GLB1L2: variants seen among roughly 807,000 people sequenced by gnomAD.
GLB1L2 encodes galactosidase beta 1 like 2.
GLB1L2 carries 68 observed loss-of-function variants against 84.1 expected under a neutral mutation model. That is an observed-to-expected ratio of 0.81 (90% confidence interval 0.67 to 0.99). GLB1L2 has a LOEUF of 0.99. Among genes scored for constraint, GLB1L2 ranks in the 50% least tolerant of loss-of-function variants. The pLI is 0.00. For synonymous variants in GLB1L2, 290 were observed against 318.0 expected, an observed-to-expected ratio of 0.91 and a Z score of 0.94; for missense variants, 762 against 805.6, an observed-to-expected ratio of 0.95 and a Z score of 0.66.
chr11:134,338,163 G>A lies in GLB1L2; in HGVS notation c.87-4591G>A, dbSNP rs1943413972. ...ATGTTCTGCTGTGCCCGGTTGCATGGATCCTGGCCTATCTGTGTCTGGTCA... is the reference window on the plus strand; with the variant it reads ...ATGTTCTGCTGTGCCCGGTTGCATGAATCCTGGCCTATCTGTGTCTGGTCA... On this transcript the variant is annotated intron_variant, in intron 1 of 18. Coordinates refer to ENST00000535456, the MANE Select transcript of GLB1L2 (RefSeq NM_001370461.1). The surrounding 1 kb of genome is among the most constrained non-coding windows in gnomAD (Gnocchi z 6.2). Among the ~76,000 whole-genome samples, 1 of 152,154 alleles carries A rather than the reference G, an allele frequency of 6.6e-6. No homozygotes were observed. The highest frequency in any genetic ancestry group is 2.4e-5 in the African/African-American group (1 of 41,446).
chr11:134,345,760 C>T (rs941674120), intron 4 of GLB1L2, among the ~76,000 whole-genome samples: 9 of 152,202 alleles, frequency 5.9e-5, no homozygotes, highest in African/African-American at 1.7e-4. Flanking sequence ...TGAGCCACCG[C>T]GCCCGGCCTT....
intron 1 of GLB1L2, 71 bp downstream of exon 1, chr11:134,332,218 C>A: frequency 9.0e-7 from 1 of 1,112,384 alleles, no homozygotes; most frequent in Non-Finnish European, 1.3e-6. Context: ...GGGTTCTCTC[C>A]TCCCGCGACC....
chr11:134,343,086 C>T, intron 2 of GLB1L2, 135 bp downstream of exon 2: 1 of 851,108 alleles, frequency 1.2e-6, no homozygotes, highest in Non-Finnish European at 1.8e-6. Context: ...CTCCTCCTCC[C>T]CACCACAGAG....
At chr11:134,356,883 C>A (rs1249266364) in intron 6 of GLB1L2, among the ~76,000 whole-genome samples, 1 of 152,086 alleles carries the variant, frequency 6.6e-6, no homozygotes, top group Non-Finnish European at 1.5e-5. Context: ...AAGGGCAGAG[C>A]CACACTTAAA....
chr11:134,338,961 C>T lies in GLB1L2; in HGVS notation c.87-3793C>T, dbSNP rs1162810966. Among the ~76,000 whole-genome samples the T allele has an allele frequency of 6.6e-6, 1 of 152,120 alleles. No homozygotes were observed. The highest frequency in any genetic ancestry group is 1.5e-5 in the Non-Finnish European group (1 of 68,012). On this transcript the variant is annotated intron_variant, in intron 1 of 18. Coordinates refer to ENST00000535456, the MANE Select transcript of GLB1L2 (RefSeq NM_001370461.1). This position sits in a 1 kb window ranked among gnomAD's most constrained non-coding sequence, Gnocchi z 6.2. The stretch of plus-strand genomic sequence containing the variant: ...GAGCACTGAGTTCAGGGTTTGCTGT[C>T]CGGACTCTTCTAAGGTGGAAAAATC...
chr11:134,344,338 A>C, intron 2 of GLB1L2, 49 bp from the exon 3 acceptor site: 1 of 1,605,970 alleles, frequency 6.2e-7, no homozygotes, highest in East Asian at 2.2e-5. Flanking sequence ...TGAGAGGTGA[A>C]ATGGAATGAA....
chr11:134,344,727 G>T (rs551985993), intron 3 of GLB1L2, among the ~76,000 whole-genome samples: 1 of 152,238 alleles, frequency 6.6e-6, no homozygotes, highest in African/African-American at 2.4e-5. Context: ...CATGGGGTCC[G>T]GCCGCTGGGC....
intron 2 of GLB1L2, among the ~76,000 whole-genome samples, 158 bp from the exon 3 acceptor site, chr11:134,344,229 C>G (rs1391643859): frequency 2.0e-5 from 3 of 152,180 alleles, no homozygotes; most frequent in Non-Finnish European, 4.4e-5. Context: ...CGATTCTGGT[C>G]CCTAGATCAG....
chr11:134,352,729 C>T (rs972613709), intron 5 of GLB1L2, among the ~76,000 whole-genome samples: 4 of 151,272 alleles, frequency 2.6e-5, no homozygotes, highest in African/African-American at 7.3e-5. Context: ...CTCACTACAA[C>T]GTCCGCCTCC....
rs541921258 is a variant in GLB1L2, at chr11:134,332,432, C to T, written c.86+285C>T. On this transcript the variant is annotated intron_variant, in intron 1 of 18. Transcript: ENST00000535456. Reference sequence around the variant, plus strand: ...CCGCGCCTGTGACGCCGGGCTCTGCCCCCCGTGGACGCCCGCAGCCCTCCA... The same window carrying T: ...CCGCGCCTGTGACGCCGGGCTCTGCTCCCCGTGGACGCCCGCAGCCCTCCA... Among the ~76,000 whole-genome samples, 38 of 152,202 alleles carry T rather than the reference C, an allele frequency of 2.5e-4. No homozygotes were observed. The South Asian group carries it at 7.5e-3, about 30-fold the overall frequency.
In GLB1L2 at chr11:134,332,367, C is replaced by T. The variant is rs982130879; in HGVS notation, c.86+220C>T. ...GGCCTCTGGGCGACACCCGGCGTGC[C>T]CTCGGGAGCCGGCGTCTGTGCCCCG... On this transcript the variant is annotated intron_variant, in intron 1 of 18. Transcript: ENST00000535456. 2.6e-5 allele frequency among the ~76,000 whole-genome samples: 4 copies of T among 152,094 alleles called. 1 individual carries two copies. The highest frequency in any genetic ancestry group is 5.9e-5 in the Non-Finnish European group (4 of 67,994).
chr11:134,371,825 G>A lies in GLB1L2; in HGVS notation c.1502G>A (p.Arg501His), dbSNP rs568333384. The A allele has an allele frequency of 7.1e-5, 114 of 1,613,988 alleles. 1 individual carries two copies. In the South Asian group the frequency reaches 1.0e-3, roughly 15 times the overall value. Residue 501 changes from arginine (R) to histidine (H), a missense_variant, in exon 15 of 19, where the codon CGC becomes CAC. Physicochemically the swap from Arg to His is conservative, Grantham distance 29 (BLOSUM62 0). This residue lies in a region of GLB1L2 where 603 missense variants were observed against 611.7 expected (regional missense o/e 0.99). Transcript: ENST00000535456. ...TATGGGGAGAATATTGATGACCAGCGCAAAGGTGGGTCCCAGAATGTGTCA... is the reference window on the plus strand; with the variant it reads ...TATGGGGAGAATATTGATGACCAGCACAAAGGTGGGTCCCAGAATGTGTCA... ...VNYGENIDDQ[R>H]KGLIGNLYLN...
chr11:134,359,435 C>T (rs527388931), intron 7 of GLB1L2: 8 of 266,662 alleles, frequency 3.0e-5, no homozygotes, highest in South Asian at 2.6e-4. Context: ...TTCAGAACAT[C>T]GCAGCTCCGT....
At chr11:134,355,896 C>G (rs1943693492) in intron 5 of GLB1L2, 1 of 407,334 alleles carries the variant, frequency 2.5e-6, no homozygotes, top group Non-Finnish European at 4.8e-6. Context: ...TCAACAAGTT[C>G]CATTTTGCTT....
intron 2 of GLB1L2, 63 bp downstream of exon 2, chr11:134,343,014 C>T (rs1049452473): frequency 2.0e-6 from 3 of 1,517,250 alleles, no homozygotes; most frequent in Admixed American, 2.0e-5. Context: ...TGTCTGCATG[C>T]GAAAAAATAT....
chr11:134,336,929 A>G (rs985464289), intron 1 of GLB1L2, among the ~76,000 whole-genome samples: 5 of 152,182 alleles, frequency 3.3e-5, no homozygotes, highest in African/African-American at 7.2e-5. Context: ...GATGCTGTCA[A>G]TGGTCCCAAA....
intron 1 of GLB1L2, among the ~76,000 whole-genome samples, chr11:134,332,419 C>T (rs1943314461): frequency 6.6e-6 from 1 of 152,006 alleles, no homozygotes; most frequent in South Asian, 2.1e-4. Context: ...GCGCCTGTGA[C>T]GCCGGGCTCT....
intron 5 of GLB1L2, chr11:134,356,063 C>T: frequency 1.6e-6 from 1 of 640,804 alleles, no homozygotes; most frequent in Non-Finnish European, 2.9e-6. Context: ...TGGTTAGACA[C>T]TTAAATGGTT....
chr11:134,344,810 G>T (rs1943525179), intron 3 of GLB1L2, among the ~76,000 whole-genome samples: 2 of 152,372 alleles, frequency 1.3e-5, no homozygotes, highest in African/African-American at 4.8e-5. Flanking sequence ...TGAGCCCTGG[G>T]TGTCACCCTT....
Sources: gnomAD v4.1 joint callset for allele counts (sites outside exome capture counted in the v4.1 genomes callset) on GRCh38, gnomAD v4.1.1 for gene constraint, gnomAD v4.1.1 regional missense constraint, Gnocchi (gnomAD v3.1) non-coding constraint, MANE v1.5 for transcripts, NCBI Gene and HGNC (gene_info 2026-07-23, HGNC 2026-07-21) for gene names.